Variants in FAAH2 observed in about 807,000 individuals in gnomAD.
FAAH2 encodes fatty-acid amide hydrolase 2.
In FAAH2, 60 loss-of-function variants were observed where a neutral mutation model predicts 36.9. The observed-to-expected ratio is 1.63, with a 90% CI of 1.32 to 2.02. The LOEUF is 2.02. Ranked by LOEUF, FAAH2 falls within the 30% of genes most tolerant of loss-of-function variation. FAAH2 has a pLI of 0.00. For missense variants in FAAH2, 689 were observed against 397.5 expected, an observed-to-expected ratio of 1.73 and a Z score of -6.23; for synonymous variants, 214 against 143.8, an observed-to-expected ratio of 1.49 and a Z score of -3.49.
chrX:57,343,591 T>C (rs955031410), intron 5 of FAAH2, among the ~76,000 whole-genome samples: 1 of 111,674 alleles, frequency 9.0e-6, no homozygotes, highest in Non-Finnish European at 1.9e-5. Context: ...CTTTTGATAA[T>C]TTCTTTCGCT....
At position 57,455,033 on chromosome X, in the gene FAAH2, C is replaced by G. The variant is rs190891378; in HGVS notation, c.1423+6315C>G. Among the ~76,000 whole-genome samples, 2 of 111,234 alleles carry G rather than the reference C, an allele frequency of 1.8e-5. 1 individual carries two copies. Among genetic ancestry groups the G allele is most frequent in the Non-Finnish European group, 3.8e-5 (2 of 52,978 alleles). On this transcript the variant is annotated intron_variant, in intron 10 of 10. Transcript: ENST00000374900. The stretch of plus-strand genomic sequence containing the variant: ...CCAAGATCAACTCAAAAGAAAAACT[C>G]TTAAAAGTAGCTAAAGAGAAAAATC...
At chrX:57,483,608 T>C (rs1602844651) in intron 10 of FAAH2, among the ~76,000 whole-genome samples, 1 of 110,211 alleles carries the variant, frequency 9.1e-6, no homozygotes, top group Admixed American at 9.8e-5. Flanking sequence ...AGATTTCTTA[T>C]GCCGAGTTCT....
chrX:57,216,637 C>CGTATATATATATAT, the FAAH2 span, among the ~76,000 whole-genome samples: 1 of 75,091 alleles, frequency 1.3e-5, no homozygotes, highest in African/African-American at 4.4e-5. Flanking sequence ...TATATATATA[C>CGTATATATATATAT]GTATATATAT....
At chrX:57,232,491 C>T in the FAAH2 span, among the ~76,000 whole-genome samples, 2 of 111,956 alleles carry the variant, frequency 1.8e-5, no homozygotes, top group South Asian at 3.7e-4. Context: ...CTTAAAATTA[C>T]GTAGGCTTTA....
At chrX:57,367,718 G>A (rs1317549441) in intron 5 of FAAH2, among the ~76,000 whole-genome samples, 1 of 111,621 alleles carries the variant, frequency 9.0e-6, no homozygotes, top group Non-Finnish European at 1.9e-5. Context: ...TCAGAACTAA[G>A]GGGGACTTCC....
intron 10 of FAAH2, among the ~76,000 whole-genome samples, chrX:57,457,866 T>C (rs1471630634): frequency 9.0e-6 from 1 of 111,484 alleles, no homozygotes; most frequent in Non-Finnish European, 1.9e-5. Context: ...AAAATGGCCA[T>C]ACTGCCCAAA....
the FAAH2 span, among the ~76,000 whole-genome samples, chrX:57,243,423 G>A: frequency 8.9e-6 from 1 of 112,227 alleles, no homozygotes; most frequent in Non-Finnish European, 1.9e-5. Flanking sequence ...CTCCTCAACT[G>A]GGTCCATAAC....
At chrX:57,314,299 A>G (rs59338719) in intron 3 of FAAH2, among the ~76,000 whole-genome samples, 38,760 of 110,343 alleles carry the variant, frequency 0.35, 5,741 homozygotes, top group Middle Eastern at 0.6. Flanking sequence ...AGGAGATTTC[A>G]AAACCCCACT....
intron 2 of FAAH2, among the ~76,000 whole-genome samples, chrX:57,303,681 T>G (rs2052440827): frequency 8.9e-6 from 1 of 112,007 alleles, no homozygotes; most frequent in Non-Finnish European, 1.9e-5. Flanking sequence ...ATTTGACCAC[T>G]CTGCTACACT....
At chrX:57,461,603 T>C (rs1179668228) in intron 10 of FAAH2, among the ~76,000 whole-genome samples, 2 of 111,118 alleles carry the variant, frequency 1.8e-5, no homozygotes, top group Admixed American at 9.6e-5. Flanking sequence ...TTGAAACCAA[T>C]GAGAACCAAG....
At chrX:57,149,501 G>A in the FAAH2 span, among the ~76,000 whole-genome samples, 11 of 111,365 alleles carry the variant, frequency 9.9e-5, no homozygotes, top group Admixed American at 1.9e-4. Flanking sequence ...TGTATGTGTC[G>A]AGGAATTTAT....
chrX:57,410,729 T>C (rs2055676998), intron 7 of FAAH2, among the ~76,000 whole-genome samples: 1 of 111,869 alleles, frequency 8.9e-6, no homozygotes, highest in African/African-American at 3.2e-5. Flanking sequence ...TTTTTCTATC[T>C]CTTTATTGTA....
intron 7 of FAAH2, among the ~76,000 whole-genome samples, chrX:57,384,459 A>G (rs1157764888): frequency 9.2e-6 from 1 of 108,537 alleles, no homozygotes; most frequent in African/African-American, 3.3e-5. Context: ...ATCTACAATG[A>G]ACTCAAACAA....
At chrX:57,464,230 G>A (rs767284247) in intron 10 of FAAH2, among the ~76,000 whole-genome samples, 1 of 110,730 alleles carries the variant, frequency 9.0e-6, no homozygotes, top group African/African-American at 3.3e-5. Flanking sequence ...CACAGGGATG[G>A]GAACATCACA....
At chrX:57,409,817 T>A (rs73626271) in intron 7 of FAAH2, among the ~76,000 whole-genome samples, 1,551 of 110,940 alleles carry the variant, frequency 0.014, 20 homozygotes, top group African/African-American at 0.048. Context: ...CAGCTAATGT[T>A]TTCTCAATGT....
the FAAH2 span, among the ~76,000 whole-genome samples, chrX:57,243,649 C>G: frequency 8.9e-6 from 1 of 111,978 alleles, no homozygotes; most frequent in East Asian, 2.8e-4. Context: ...AGACCTGCAG[C>G]AGAGGGGCCT....
chrX:57,154,287 C>T, the FAAH2 span, among the ~76,000 whole-genome samples: 1 of 95,619 alleles, frequency 1.0e-5, no homozygotes. Context: ...TTTTTTTTGA[C>T]ACAGTCTCAC....
intron 7 of FAAH2, among the ~76,000 whole-genome samples, chrX:57,427,156 T>C (rs1490680879): frequency 2.7e-5 from 3 of 110,742 alleles, no homozygotes; most frequent in African/African-American, 9.8e-5. Flanking sequence ...GATAAATTTC[T>C]GGAAACATAC....
the FAAH2 span, among the ~76,000 whole-genome samples, chrX:57,216,596 A>ACATATATATATATACG: frequency 1.4e-3 from 4 of 2,859 alleles, no homozygotes; most frequent in African/African-American, 2.6e-3. Context: ...ATGTATATAT[A>ACATATATATATATACG]TGTATATATA....
Sources: gnomAD v4.1 joint callset for allele counts (sites outside exome capture counted in the v4.1 genomes callset) on GRCh38, gnomAD v4.1.1 for gene constraint, MANE v1.5 for transcripts, NCBI Gene and HGNC (gene_info 2026-07-23, HGNC 2026-07-21) for gene names.